The following LRRC49 variants were observed in gnomAD, a reference collection of about 807,000 sequenced individuals.
The protein encoded by LRRC49 is leucine-rich repeat-containing protein 49.
Under a neutral mutation model 83.3 loss-of-function variants are expected in LRRC49, and 50 were observed. The observed-to-expected ratio is 0.60, with a 90% confidence interval of 0.48 to 0.76. LRRC49 has a LOEUF of 0.76. Ranked by LOEUF, LRRC49 falls within the 30% of genes least tolerant of loss-of-function variation. The pLI, the probability that LRRC49 is intolerant of heterozygous loss-of-function variation, is 0.00. For synonymous variants in LRRC49, 286 were observed against 283.3 expected, an observed-to-expected ratio of 1.01 and a Z score of -0.10; for missense variants, 704 against 809.1, an observed-to-expected ratio of 0.87 and a Z score of 1.58.
At chr15:71,049,041 C>T (rs983259656) in intron 15 of LRRC49, among the ~76,000 whole-genome samples, 1 of 152,116 alleles carries the variant, frequency 6.6e-6, no homozygotes, top group African/African-American at 2.4e-5. Context: ...CTATCTGTAT[C>T]CTGATACATT....
chr15:70,867,098 G>T (rs2032930822), intron 1 of LRRC49, among the ~76,000 whole-genome samples: 1 of 151,142 alleles, frequency 6.6e-6, no homozygotes, highest in African/African-American at 2.4e-5. Context: ...CCAAGCAGAA[G>T]ACAGCACATC....
At chr15:70,877,970 A>G (rs1328665301) in intron 2 of LRRC49, among the ~76,000 whole-genome samples, 6 of 152,198 alleles carry the variant, frequency 3.9e-5, no homozygotes, top group Admixed American at 6.5e-5. Context: ...TCTACTAAAA[A>G]TATGAAAACA....
intron 2 of LRRC49, among the ~76,000 whole-genome samples, chr15:70,876,038 C>T (rs1180240416): frequency 6.6e-6 from 1 of 152,090 alleles, no homozygotes; most frequent in Admixed American, 6.6e-5. Context: ...GGCTTAAGTG[C>T]ATGTTCTTGG....
In LRRC49 at chr15:70,963,870, T is replaced by C; in HGVS notation, c.859T>C (p.Tyr287His). The C allele has an allele frequency of 1.2e-6, 2 of 1,613,670 alleles. No homozygotes were observed. Among genetic ancestry groups the C allele is most frequent in the Non-Finnish European group, 1.7e-6 (2 of 1,179,656 alleles). ...CAATCCCATAGCTCAAGAGTCATGG[T>C]ACAAACACACTGTCCTTCAGAATAT... ...DGNPIAQESW[Y>H]KHTVLQNMMQ... is the part of the protein sequence containing the mutation. Residue 287 changes from tyrosine (Y) to histidine (H), a missense_variant, in exon 9 of 16, where the codon TAC becomes CAC. Around this residue, in one of 3 missense-constraint regions of LRRC49, gnomAD observed 168 missense variants for 140.6 expected, o/e 1.20. Transcript: ENST00000260382.
intron 14 of LRRC49, among the ~76,000 whole-genome samples, chr15:71,024,925 T>C (rs1228257923): frequency 6.6e-6 from 1 of 152,030 alleles, no homozygotes; most frequent in Non-Finnish European, 1.5e-5. Flanking sequence ...TAACTGAATA[T>C]ACCAAGCAGA....
chr15:71,007,709 G>GTGTATATATATATATATATATATATA (rs964626080), intron 11 of LRRC49, among the ~76,000 whole-genome samples: 5 of 137,702 alleles, frequency 3.6e-5, no homozygotes, highest in African/African-American at 1.4e-4. Context: ...TGAGAAGCAT[G>GTGTATATATATATATATATATATATA]TATATATATA....
Position 70,919,329 on chromosome 15 carries a change from A to G in LRRC49, c.711+136A>G, listed in dbSNP as rs2034917752. On this transcript the variant is annotated intron_variant, in intron 7 of 15. Transcript: ENST00000260382. Reference sequence around the variant, plus strand: ...TTTTCTGAATTTAAATTGTGGATGTAATTATTAAGCTCTGTAATATGTTGG... The same window carrying G: ...TTTTCTGAATTTAAATTGTGGATGTGATTATTAAGCTCTGTAATATGTTGG... 6.5e-6 allele frequency: 5 copies of G among 767,192 alleles called. No homozygotes were observed. The South Asian group carries it at 1.1e-4, about 17-fold the overall frequency. 47.5% of individuals were successfully genotyped at this position (767,192 alleles called of 1,614,324 possible). A position where few individuals can be genotyped will look rare whatever the true frequency, so the allele number is the denominator to read the frequency against.
At chr15:70,886,605 C>T (rs1390268783) in intron 2 of LRRC49, among the ~76,000 whole-genome samples, 7 of 152,082 alleles carry the variant, frequency 4.6e-5, no homozygotes, top group African/African-American at 1.4e-4. Flanking sequence ...CGGTGGCTCA[C>T]GCCTGTAATC....
rs769015021 is a variant in LRRC49, at chr15:71,052,625, A to G, written c.*3013A>G. On this transcript the variant is annotated 3_prime_UTR_variant, in exon 16 of 16. Transcript: ENST00000260382. Reference sequence around the variant, plus strand: ...TCTTCAATGAGTAATCATCATAACAACAAAGATTCATTGAGCAATGTCTTG... The same window carrying G: ...TCTTCAATGAGTAATCATCATAACAGCAAAGATTCATTGAGCAATGTCTTG... 9 of 152,202 alleles carry G rather than the reference A, an allele frequency of 5.9e-5. No individual in the cohort carries two copies. Among genetic ancestry groups the G allele is most frequent in the Non-Finnish European group, 1.0e-4 (7 of 68,030 alleles). The allele number at this position is 152,202 out of a possible 1,614,324, so 9.4% of individuals were successfully genotyped here. A position where few individuals can be genotyped will look rare whatever the true frequency, so the allele number is the denominator to read the frequency against.
chr15:71,026,970 G>T (rs945503151), intron 14 of LRRC49, among the ~76,000 whole-genome samples: 1 of 152,036 alleles, frequency 6.6e-6, no homozygotes, highest in Admixed American at 6.6e-5. Context: ...GTCAATTTTG[G>T]CTTTTGTTGC....
At chr15:71,005,150 A>T (rs868167578) in intron 11 of LRRC49, among the ~76,000 whole-genome samples, 1 of 152,164 alleles carries the variant, frequency 6.6e-6, no homozygotes, top group Non-Finnish European at 1.5e-5. Context: ...CTGAACTTAA[A>T]GTAGTCATTC....
chr15:70,949,848 CG>C (rs999023975), intron 8 of LRRC49, among the ~76,000 whole-genome samples: 15 of 151,770 alleles, frequency 9.9e-5, no homozygotes, highest in Admixed American at 7.2e-4. Flanking sequence ...GCTACATATG[CG>C]GGTTTGTTAC....
At chr15:70,886,871 GAA>G (rs533682325) in intron 2 of LRRC49, among the ~76,000 whole-genome samples, 1 of 137,620 alleles carries the variant, frequency 7.3e-6, no homozygotes, top group African/African-American at 2.6e-5. Context: ...GTCTAAAAAA[GAA>G]AAAAAAAAAT....
chr15:70,954,575 A>G (rs2036332059), intron 8 of LRRC49, among the ~76,000 whole-genome samples: 3 of 151,890 alleles, frequency 2.0e-5, no homozygotes, highest in Admixed American at 2.0e-4. Context: ...TTATTATTTG[A>G]AGTTATTGTC....
intron 15 of LRRC49, among the ~76,000 whole-genome samples, chr15:71,043,536 C>T (rs1049438925): frequency 6.6e-5 from 10 of 152,172 alleles, no homozygotes; most frequent in Non-Finnish European, 1.0e-4. Flanking sequence ...GTGTCTCTAA[C>T]GTGCTTTCAA....
At chr15:70,878,252 T>A (rs1007106977) in intron 2 of LRRC49, among the ~76,000 whole-genome samples, 2 of 152,208 alleles carry the variant, frequency 1.3e-5, no homozygotes, top group African/African-American at 4.8e-5. Flanking sequence ...TGTTAGCATA[T>A]AGAAATGAAG....
chr15:70,865,130 G>C (rs1012232388), intron 1 of LRRC49, among the ~76,000 whole-genome samples: 1 of 152,118 alleles, frequency 6.6e-6, no homozygotes, highest in African/African-American at 2.4e-5. Context: ...GCCTCCCACA[G>C]TGCTGGGATT....
At position 70,871,869 on chromosome 15, in the gene LRRC49, A is replaced by G. The variant is rs559076249; in HGVS notation, c.-298-1039A>G. Among the ~76,000 whole-genome samples, 12 of 149,298 alleles carry G rather than the reference A, an allele frequency of 8.0e-5. No individual in the cohort carries two copies. The South Asian group carries it at 2.1e-3, about 27-fold the overall frequency. On this transcript the variant is annotated intron_variant, in intron 1 of 16. Coordinates refer to the LRRC49 transcript ENST00000544974. ...CGGGCAGAGACGCTCCTCACTTCCT[A>G]GACGGGATGGTGGCCGGGAAGAGGC...
At chr15:70,968,991 G>T (rs1021008475) in intron 9 of LRRC49, among the ~76,000 whole-genome samples, 1 of 151,928 alleles carries the variant, frequency 6.6e-6, no homozygotes. Flanking sequence ...GTTTGATTAG[G>T]TCCCATTTGT....
Sources: gnomAD v4.1 joint callset for allele counts (sites outside exome capture counted in the v4.1 genomes callset) on GRCh38, gnomAD v4.1.1 for gene constraint, gnomAD v4.1.1 regional missense constraint, MANE v1.5 for transcripts, NCBI Gene and HGNC (gene_info 2026-07-23, HGNC 2026-07-21) for gene names.